TMEM132D: variants seen among roughly 807,000 people sequenced by gnomAD.
TMEM132D encodes the protein mature OL transmembrane protein.
In TMEM132D, 21 loss-of-function variants were observed where a neutral mutation model predicts 62.3. The ratio of observed to expected loss-of-function variants is 0.34; its 90% CI spans 0.24 to 0.49. The LOEUF is 0.49. Among genes scored for constraint, TMEM132D ranks in the 20% least tolerant of loss-of-function variants. TMEM132D has a pLI of 0.99. For synonymous variants in TMEM132D, 621 were observed against 575.6 expected (o/e 1.08, Z -1.13); for missense variants, 1,346 against 1,402.8 (o/e 0.96, Z 0.65).
intron 5 of TMEM132D, among the ~76,000 whole-genome samples, chr12:129,175,736 G>C (rs1460672731): frequency 6.6e-6 from 1 of 152,286 alleles, no homozygotes; most frequent in Non-Finnish European, 1.5e-5. Context: ...CCATCTTGCT[G>C]TTGTACCTAC....
chr12:129,656,274 A>G (rs1880072186), intron 2 of TMEM132D, among the ~76,000 whole-genome samples: 1 of 151,564 alleles, frequency 6.6e-6, no homozygotes, highest in Non-Finnish European at 1.5e-5. Flanking sequence ...AGAAAAGGAA[A>G]GAATGAAAGG....
intron 2 of TMEM132D, among the ~76,000 whole-genome samples, chr12:129,621,727 T>C (rs1593092908): frequency 6.6e-6 from 1 of 152,214 alleles, no homozygotes; most frequent in East Asian, 1.9e-4. Context: ...CCAGTGGAGG[T>C]AGGTACTATC....
intron 5 of TMEM132D, among the ~76,000 whole-genome samples, chr12:129,173,019 G>T (rs1552420): frequency 6.6e-6 from 1 of 151,948 alleles, no homozygotes; most frequent in Non-Finnish European, 1.5e-5. Flanking sequence ...GGATTTGTGG[G>T]GCCCTAAAGC....
intron 4 of TMEM132D, among the ~76,000 whole-genome samples, chr12:129,282,636 A>AT (rs1881188501): frequency 6.6e-6 from 1 of 152,154 alleles, no homozygotes. Context: ...GTGAGTTTGG[A>AT]TTTTGGATCA....
At chr12:129,679,697 GT>G (rs1394375144) in intron 2 of TMEM132D, among the ~76,000 whole-genome samples, 2 of 151,942 alleles carry the variant, frequency 1.3e-5, no homozygotes, top group African/African-American at 4.8e-5. Context: ...CTCAATGCAT[GT>G]ACTGGCTCTT....
intron 2 of TMEM132D, among the ~76,000 whole-genome samples, chr12:129,655,389 G>A (rs556861064): frequency 3.5e-4 from 53 of 152,012 alleles, no homozygotes; most frequent in African/African-American, 1.3e-3. Flanking sequence ...TGAGATTACA[G>A]ACATGCACCA....
Position 129,500,781 on chromosome 12 carries a change from A to C in TMEM132D, c.1115+30278T>G, listed in dbSNP as rs969018318. ...TACACATTCAGTTTCTGAACAGCCC[A>C]AATGACCCAAAAGCTTAATTGTATT... On this transcript the variant is annotated intron_variant, in intron 3 of 8. Coordinates refer to ENST00000422113, the MANE Select transcript of TMEM132D (RefSeq NM_133448.3). 3.3e-5 allele frequency among the ~76,000 whole-genome samples: 5 copies of C among 152,210 alleles called. No individual in the cohort carries two copies. The East Asian group carries it at 9.6e-4, about 29-fold the overall frequency.
intron 5 of TMEM132D, among the ~76,000 whole-genome samples, chr12:129,119,124 C>A (rs552838052): frequency 5.3e-5 from 8 of 152,254 alleles, no homozygotes; most frequent in African/African-American, 1.9e-4. Context: ...GCTGAGACCA[C>A]AGAAATGACA....
chr12:129,171,618 A>G (rs1194235318), intron 5 of TMEM132D, among the ~76,000 whole-genome samples: 1 of 152,210 alleles, frequency 6.6e-6, no homozygotes, highest in Non-Finnish European at 1.5e-5. Context: ...TTTGCTTTGT[A>G]GGCTGCAGAG....
At chr12:129,534,019 A>G (rs1281441452) in intron 2 of TMEM132D, among the ~76,000 whole-genome samples, 1 of 152,240 alleles carries the variant, frequency 6.6e-6, no homozygotes, top group East Asian at 1.9e-4. Flanking sequence ...CGAATCTCAG[A>G]GCTGTCAGTG....
At chr12:129,695,051 G>A (rs561997967) in intron 2 of TMEM132D, among the ~76,000 whole-genome samples, 5 of 152,082 alleles carry the variant, frequency 3.3e-5, no homozygotes, top group Admixed American at 6.6e-5. Context: ...TTCTGACCAC[G>A]AGGCACCCCT....
intron 5 of TMEM132D, among the ~76,000 whole-genome samples, chr12:129,106,278 AG>A (rs1367426198): frequency 1.9e-5 from 2 of 106,734 alleles, no homozygotes; most frequent in Non-Finnish European, 3.5e-5. Context: ...GGGAGGGCGG[AG>A]GGGGGAGGGA....
intron 3 of TMEM132D, among the ~76,000 whole-genome samples, chr12:129,364,618 C>G (rs1384492396): frequency 1.3e-5 from 2 of 152,182 alleles, no homozygotes; most frequent in African/African-American, 4.8e-5. Context: ...AGTGCTTTTA[C>G]CTCACTTTGT....
chr12:129,243,339 T>C (rs943510916), intron 4 of TMEM132D, among the ~76,000 whole-genome samples: 2 of 152,196 alleles, frequency 1.3e-5, no homozygotes, highest in East Asian at 3.8e-4. Flanking sequence ...AATCAGACCT[T>C]GGATTTATGA....
In TMEM132D at chr12:129,087,911, GTGT is replaced by G. The variant is rs1565959439; in HGVS notation, c.1444-3212_1444-3210del. On this transcript the variant is annotated intron_variant, in intron 5 of 8. Coordinates refer to ENST00000422113, the MANE Select transcript of TMEM132D (RefSeq NM_133448.3). ...GACCGGGGTGTCCTCCCTGACCGGG[GTGT>G]CCTCCCTGACCGGGTGTCCTCCATG... 5.1e-3 allele frequency among the ~76,000 whole-genome samples: 484 copies of G among 95,074 alleles called. 13 individuals carry two copies. Among genetic ancestry groups the G allele is most frequent in the African/African-American group, 0.012 (309 of 26,730 alleles). 62.4% of individuals were successfully genotyped at this position (95,074 alleles called of 152,430 possible).
chr12:129,102,761 T>C (rs1214386423), intron 5 of TMEM132D, among the ~76,000 whole-genome samples: 1 of 152,188 alleles, frequency 6.6e-6, no homozygotes, highest in East Asian at 1.9e-4. Context: ...GATCATAAAA[T>C]ATTCTCGACC....
chr12:129,174,104 CTTTATT>C (rs897737358), intron 5 of TMEM132D, among the ~76,000 whole-genome samples: 3 of 152,132 alleles, frequency 2.0e-5, no homozygotes, highest in African/African-American at 7.2e-5. Context: ...CCCCGCTTTT[CTTTATT>C]TTATTTTACC....
intron 3 of TMEM132D, chr12:129,521,579 C>G (rs1454437001): frequency 6.6e-6 from 1 of 152,212 alleles, no homozygotes; most frequent in East Asian, 1.9e-4. Flanking sequence ...GTGTGTCCCA[C>G]TGAGAAGCTG....
At chr12:129,135,349 C>T (rs553460145) in intron 5 of TMEM132D, among the ~76,000 whole-genome samples, 2 of 152,278 alleles carry the variant, frequency 1.3e-5, no homozygotes, top group East Asian at 3.9e-4. Context: ...GGGATGACTC[C>T]TCTAGAGTTA....
Sources: allele counts gnomAD v4.1 joint callset (sites outside exome capture counted in the v4.1 genomes callset), GRCh38; gene constraint gnomAD v4.1.1; transcripts MANE v1.5; gene names NCBI Gene and HGNC (gene_info 2026-07-23, HGNC 2026-07-21).